Variants in TAFA4 observed in about 807,000 individuals in gnomAD.
TAFA4 encodes chemokine-like protein TAFA-4.
A neutral mutation model predicts 21.1 loss-of-function variants in TAFA4; 20 were observed. The ratio of observed to expected loss-of-function variants is 0.95; its 90% CI spans 0.67 to 1.38. The LOEUF (loss-of-function observed/expected upper bound fraction) is 1.38, where lower values mean the gene tolerates loss of function less well. Among genes scored for constraint, TAFA4 ranks in the 40% most tolerant of loss-of-function variants. TAFA4 has a pLI of 0.00. For missense variants in TAFA4, 211 were observed against 180.9 expected (o/e 1.17, Z -0.95); for synonymous variants, 71 against 67.4 (o/e 1.05, Z -0.26).
intron 3 of TAFA4, among the ~76,000 whole-genome samples, chr3:68,849,992 C>T (rs1018461903): frequency 6.6e-6 from 1 of 152,126 alleles, no homozygotes; most frequent in Non-Finnish European, 1.5e-5. Context: ...GATAAAGGTA[C>T]ATATTGAGAA....
intron 1 of TAFA4, among the ~76,000 whole-genome samples, chr3:68,889,255 G>C (rs1175816596): frequency 6.6e-6 from 1 of 152,194 alleles, no homozygotes; most frequent in Admixed American, 6.5e-5. Flanking sequence ...TGTGGAGACA[G>C]TTACTGATTT....
chr3:68,883,931 C>CA (rs1049744578), intron 2 of TAFA4, among the ~76,000 whole-genome samples: 3 of 150,094 alleles, frequency 2.0e-5, no homozygotes, highest in Middle Eastern at 3.4e-3. Context: ...GACCCTGTCT[C>CA]AAAAAAAGAA....
intron 3 of TAFA4, among the ~76,000 whole-genome samples, chr3:68,809,519 A>AT (rs200107940): frequency 0.025 from 3,135 of 127,008 alleles, 56 homozygotes; most frequent in African/African-American, 0.043. Context: ...CACTATGTTG[A>AT]TTTTTTTTTT....
intron 5 of TAFA4, among the ~76,000 whole-genome samples, chr3:68,737,394 C>T (rs1399773142): frequency 6.6e-6 from 1 of 152,106 alleles, no homozygotes; most frequent in Non-Finnish European, 1.5e-5. Context: ...CCTTGCACCA[C>T]CAGTAAATGA....
intron 1 of TAFA4, among the ~76,000 whole-genome samples, chr3:68,898,541 G>T (rs1162011344): frequency 6.6e-6 from 1 of 152,220 alleles, no homozygotes; most frequent in Non-Finnish European, 1.5e-5. Context: ...AGCTACTAGG[G>T]AAGCCAAGGC....
At chr3:68,773,322 G>A (rs1321813304) in intron 3 of TAFA4, among the ~76,000 whole-genome samples, 1 of 152,188 alleles carries the variant, frequency 6.6e-6, no homozygotes, top group Non-Finnish European at 1.5e-5. Context: ...GGCAAGGTCT[G>A]GAAGGGTCCT....
At chr3:68,893,572 C>T (rs529290994) in intron 1 of TAFA4, among the ~76,000 whole-genome samples, 25 of 152,286 alleles carry the variant, frequency 1.6e-4, no homozygotes, top group African/African-American at 3.9e-4. Flanking sequence ...GGATGACCTC[C>T]GAGGTGCCTT....
At chr3:68,867,152 C>T (rs1432540049) in intron 3 of TAFA4, among the ~76,000 whole-genome samples, 1 of 151,480 alleles carries the variant, frequency 6.6e-6, no homozygotes, top group Non-Finnish European at 1.5e-5. Context: ...TCTCAAAGGT[C>T]AAGGAAAAAG....
chr3:68,849,937 T>C (rs1704904810), intron 3 of TAFA4, among the ~76,000 whole-genome samples: 1 of 152,176 alleles, frequency 6.6e-6, no homozygotes, highest in East Asian at 1.9e-4. Flanking sequence ...GAGGTATAAT[T>C]GACAGTAAAA....
At chr3:68,736,412 T>C (rs1167783244) in intron 5 of TAFA4, among the ~76,000 whole-genome samples, 1 of 152,154 alleles carries the variant, frequency 6.6e-6, no homozygotes, top group Non-Finnish European at 1.5e-5. Flanking sequence ...AGTTAGGGAA[T>C]TATCCTCTCT....
At chr3:68,833,243 G>A (rs1704443109) in intron 3 of TAFA4, among the ~76,000 whole-genome samples, 1 of 152,152 alleles carries the variant, frequency 6.6e-6, no homozygotes, top group Non-Finnish European at 1.5e-5. Flanking sequence ...TACCTCAGTT[G>A]GAAATGCAGA....
intron 3 of TAFA4, among the ~76,000 whole-genome samples, chr3:68,771,903 G>A (rs1261532306): frequency 6.6e-6 from 1 of 152,194 alleles, no homozygotes. Flanking sequence ...TGAGTATTGT[G>A]TAACCAAGAG....
At chr3:68,868,909 T>TA (rs2089450041) in intron 3 of TAFA4, among the ~76,000 whole-genome samples, 1 of 151,640 alleles carries the variant, frequency 6.6e-6, no homozygotes, top group Non-Finnish European at 1.5e-5. Context: ...ATTGAAACTT[T>TA]AAAAAATACA....
chr3:68,775,612 G>A (rs75081061), intron 3 of TAFA4, among the ~76,000 whole-genome samples: 12,941 of 152,136 alleles, frequency 0.085, 675 homozygotes, highest in African/African-American at 0.14. Flanking sequence ...GGTGTTCGGG[G>A]TTTGCTCAAA....
At chr3:68,847,615 C>G (rs1380640028) in intron 3 of TAFA4, among the ~76,000 whole-genome samples, 2 of 152,218 alleles carry the variant, frequency 1.3e-5, no homozygotes, top group South Asian at 2.1e-4. Flanking sequence ...GTGCTTGAAA[C>G]CCAGGGCCCT....
At chr3:68,909,619 C>A (rs1261431844) in intron 1 of TAFA4, among the ~76,000 whole-genome samples, 2 of 152,196 alleles carry the variant, frequency 1.3e-5, no homozygotes, top group African/African-American at 4.8e-5. Flanking sequence ...CCAGGCTCCA[C>A]CAAAAGGTAG....
In TAFA4 at chr3:68,767,948, TA is replaced by T. The variant is rs138206792; in HGVS notation, c.131-14931del. On this transcript the variant is annotated intron_variant, in intron 3 of 5. Transcript: ENST00000295569. ...TATACTGCTAAGGTTATTTTCAGGT[TA>T]AAAAAAAAATCAAATCTTTATTTGC... 3.8e-3 allele frequency among the ~76,000 whole-genome samples: 568 copies of T among 150,472 alleles called. 5 individuals are homozygous for T. The highest frequency in any genetic ancestry group is 0.013 in the African/African-American group (521 of 41,094).
At chr3:68,766,842 G>A (rs1220749799) in intron 3 of TAFA4, among the ~76,000 whole-genome samples, 2 of 152,100 alleles carry the variant, frequency 1.3e-5, no homozygotes, top group Non-Finnish European at 2.9e-5. Context: ...AATTGTGAGA[G>A]CTTTGAAAAG....
At chr3:68,741,251 T>C (rs1018338943) in intron 4 of TAFA4, among the ~76,000 whole-genome samples, 1 of 152,214 alleles carries the variant, frequency 6.6e-6, no homozygotes, top group Non-Finnish European at 1.5e-5. Flanking sequence ...TTTAACAATA[T>C]TTTTCCAATC....
Sources: gnomAD v4.1 joint callset for allele counts (sites outside exome capture counted in the v4.1 genomes callset) on GRCh38, gnomAD v4.1.1 for gene constraint, MANE v1.5 for transcripts, NCBI Gene and HGNC (gene_info 2026-07-23, HGNC 2026-07-21) for gene names.